GON4L: variants seen among roughly 807,000 people sequenced by gnomAD.
GON4L encodes GON-4-like protein.
Under a neutral mutation model 211.8 loss-of-function variants are expected in GON4L, and 87 were observed. The ratio of observed to expected loss-of-function variants is 0.41; its 90% CI spans 0.35 to 0.49. GON4L has a LOEUF of 0.49. Among genes scored for constraint, GON4L ranks in the 20% least tolerant of loss-of-function variants. GON4L has a pLI of 0.15. For synonymous variants in GON4L, 875 were observed against 962.6 expected (o/e 0.91, Z 1.68); for missense variants, 2,155 against 2,659.5 (o/e 0.81, Z 4.17).
intron 23 of GON4L, among the ~76,000 whole-genome samples, chr1:155,761,739 C>T (rs190243351): frequency 6.6e-6 from 1 of 152,246 alleles, no homozygotes; most frequent in Non-Finnish European, 1.5e-5. Context: ...AGGTGATCCA[C>T]CCACCTCGGC....
At chr1:155,828,353 T>C (rs1436389280) in intron 2 of GON4L, among the ~76,000 whole-genome samples, 1 of 151,230 alleles carries the variant, frequency 6.6e-6, no homozygotes, top group African/African-American at 2.4e-5. Context: ...AAGCCAGGCA[T>C]GGTGGCAGGC....
chr1:155,813,705 T>C lies in GON4L; in HGVS notation c.1381A>G (p.Thr461Ala). 2 of 1,613,726 alleles carry C rather than the reference T, an allele frequency of 1.2e-6. No homozygotes were observed. Among genetic ancestry groups the C allele is most frequent in the Non-Finnish European group, 1.7e-6 (2 of 1,179,676 alleles). ...PPKPKQTRDSTFMEKLHAVDE... is the reference protein window; with the variant it reads ...PPKPKQTRDSAFMEKLHAVDE... ...ACCGCATGTAACTTCTCCATGAAAG[T>C]ACTATCTCTGGTCTGTTTCGGCTTT... The change falls in exon 10 of 32, where the codon ACT (threonine) becomes GCT (alanine). Residue 461 changes from threonine to alanine, a missense_variant. This residue lies in a region of GON4L where 551 missense variants were observed against 854.0 expected (regional missense o/e 0.65). Coordinates refer to ENST00000368331, the MANE Select transcript of GON4L (RefSeq NM_001282860.2).
intron 23 of GON4L, among the ~76,000 whole-genome samples, chr1:155,760,858 A>G (rs1443048645): frequency 2.6e-5 from 4 of 152,174 alleles, no homozygotes. Context: ...GTGAAAAATC[A>G]TCTTCCACGT....
intron 2 of GON4L, among the ~76,000 whole-genome samples, chr1:155,835,074 T>C (rs1051691883): frequency 2.0e-5 from 3 of 152,172 alleles, no homozygotes; most frequent in Non-Finnish European, 2.9e-5. Flanking sequence ...AATTGGATGG[T>C]TGCCGTGTCT....
chr1:155,813,535 T>C (rs759799742), intron 10 of GON4L, 99 bp downstream of exon 10: 19 of 868,988 alleles, frequency 2.2e-5, no homozygotes, highest in East Asian at 5.1e-5. Flanking sequence ...CTCTTACTTA[T>C]ATAAAATTGT....
chr1:155,798,643 TCTCCCGAC>T (rs1362042857), intron 11 of GON4L, among the ~76,000 whole-genome samples: 1 of 145,288 alleles, frequency 6.9e-6, no homozygotes, highest in Non-Finnish European at 1.5e-5. Flanking sequence ...ATGGTCTCGA[TCTCCCGAC>T]CTCATGATCT....
chr1:155,755,504 C>A (rs1661087009), intron 27 of GON4L, among the ~76,000 whole-genome samples: 1 of 152,130 alleles, frequency 6.6e-6, no homozygotes, highest in Admixed American at 6.5e-5. Flanking sequence ...AGCCACCACG[C>A]CCGGACCCCA....
intron 6 of GON4L, among the ~76,000 whole-genome samples, chr1:155,819,827 TTG>T (rs1216560852): frequency 6.6e-6 from 1 of 152,188 alleles, no homozygotes; most frequent in Non-Finnish European, 1.5e-5. Context: ...GAATTAACTG[TTG>T]TGTTTTTGCC....
intron 16 of GON4L, 28 bp downstream of exon 16, chr1:155,776,360 CTAGTCTT>C (rs1224351505): frequency 7.5e-7 from 1 of 1,331,978 alleles, no homozygotes; most frequent in East Asian, 2.3e-5. Context: ...ATTTCATACT[CTAGTCTT>C]TAGAGTTATG....
At chr1:155,839,201 A>T (rs1442043686) in intron 2 of GON4L, among the ~76,000 whole-genome samples, 1 of 152,184 alleles carries the variant, frequency 6.6e-6, no homozygotes, top group African/African-American at 2.4e-5. Flanking sequence ...TAGGTAAAGA[A>T]AGTTATGGAT....
downstream of GON4L, chr1:155,747,041 G>C (rs992395971): frequency 3.6e-5 from 58 of 1,605,090 alleles, no homozygotes; most frequent in Admixed American, 9.4e-4. Context: ...GAGGCTATGC[G>C]GTGTGGCCAG....
At chr1:155,812,316 T>G (rs1667862721) in intron 10 of GON4L, among the ~76,000 whole-genome samples, 2 of 151,978 alleles carry the variant, frequency 1.3e-5, no homozygotes, top group Admixed American at 1.3e-4. Flanking sequence ...TTGAAGAACA[T>G]TCTACAAAAT....
Position 155,821,520 on chromosome 1 carries a change from G to A in GON4L, c.917C>T (p.Ala306Val). Residue 306 changes from alanine (A) to valine (V), a missense_variant, in exon 5 of 32, where the codon GCT becomes GTT. By Grantham distance (64) the Ala-to-Val change is moderately conservative. Transcript: ENST00000368331. The part of the protein sequence containing the change: ...HEVITNEHVV[A>V]MMKAAISETE... ...CTCACTGATGGCTGCTTTCATCATA[G>A]CTACCACGTGTTCATTTGTGATTAC... The A allele has an allele frequency of 6.2e-7, 1 of 1,605,502 alleles. No individual in the cohort carries two copies. Among genetic ancestry groups the A allele is most frequent in the Admixed American group, 1.7e-5 (1 of 59,962 alleles).
chr1:155,859,364 G>A (rs1672503073), upstream of GON4L: 1 of 184,822 alleles, frequency 5.4e-6, no homozygotes, highest in South Asian at 9.3e-5. Context: ...TCATTCTCGG[G>A]AAAACTCGGC....
rs768217662 is a variant in GON4L, at chr1:155,751,848, G to A, written c.6495C>T (p.Leu2165=). 3.7e-6 allele frequency: 6 copies of A among 1,613,536 alleles called. No individual in the cohort carries two copies. The South Asian group carries it at 5.5e-5, about 15-fold the overall frequency. The part of the protein sequence containing the change: ...LWTREADRVI[L]TMCQEQGAQP... The stretch of plus-strand genomic sequence containing the variant: ...GTGCCCCTTGCTCCTGGCACATGGT[G>A]AGGATCACACGGTCAGCTTCCCTGT... Residue 2165 remains leucine, a synonymous_variant, in exon 31 of 32, where the codon CTC becomes CTT. Transcript: ENST00000368331.
At chr1:155,819,246 T>C (rs1571853681) in intron 6 of GON4L, among the ~76,000 whole-genome samples, 1 of 151,546 alleles carries the variant, frequency 6.6e-6, no homozygotes, top group Admixed American at 6.6e-5. Context: ...GAGGTTGCAG[T>C]GAGCCAGAAT....
chr1:155,758,218 G>A (rs961104236), intron 24 of GON4L, among the ~76,000 whole-genome samples, 184 bp from the exon 25 acceptor site: 16 of 151,756 alleles, frequency 1.1e-4, no homozygotes, highest in Non-Finnish European at 2.1e-4. Context: ...TGGGCCACTG[G>A]TGGGTAGCCA....
In GON4L at chr1:155,765,193, G is replaced by C. The variant is rs758226329; in HGVS notation, c.4280C>G (p.Pro1427Arg). Residue 1427 changes from proline to arginine, a missense_variant, in exon 21 of 32, where the codon CCC (proline) becomes CGC (arginine). Pro to Arg is a moderately radical substitution (Grantham distance 103, BLOSUM62 -2). This residue lies in a region of GON4L where 615 missense variants were observed against 625.7 expected (regional missense o/e 0.98). Coordinates refer to ENST00000368331, the MANE Select transcript of GON4L (RefSeq NM_001282860.2). ...SMDPEVRLSSPPGKPEDSSSV... is the reference protein window; with the variant it reads ...SMDPEVRLSSRPGKPEDSSSV... The stretch of plus-strand genomic sequence containing the variant: ...GGATGAATCTTCTGGCTTCCCTGGG[G>C]GGCTACTAAGCCTCACTTCAGGATC... 2 of 1,614,014 alleles carry C rather than the reference G, an allele frequency of 1.2e-6. No homozygotes were observed. The highest frequency in any genetic ancestry group is 1.7e-6 in the Non-Finnish European group (2 of 1,180,024).
chr1:155,822,295 G>A lies in GON4L; in HGVS notation c.879C>T (p.Asn293=), dbSNP rs556476618. The A allele has an allele frequency of 6.2e-7, 1 of 1,612,978 alleles. No homozygotes were observed. The highest frequency in any genetic ancestry group is 1.1e-5 in the South Asian group (1 of 91,070). Residue 293 remains asparagine, a synonymous_variant, in exon 4 of 32, where the codon AAC becomes AAT. Coordinates refer to ENST00000368331, the MANE Select transcript of GON4L (RefSeq NM_001282860.2). ...QHNLTAVNVR[N]ILHEVITNEH... is the part of the protein sequence containing the mutation. ...CCCCAGTCTTACTCACATGAAGGAT[G>A]TTTCGGACATTGACTGCTGTTAGAT... is the stretch of plus-strand genomic sequence containing the variant.
Sources: gnomAD v4.1 joint callset for allele counts (sites outside exome capture counted in the v4.1 genomes callset) on GRCh38, gnomAD v4.1.1 for gene constraint, gnomAD v4.1.1 regional missense constraint, MANE v1.5 for transcripts, NCBI Gene and HGNC (gene_info 2026-07-23, HGNC 2026-07-21) for gene names.